SMC5: variants seen among roughly 807,000 people sequenced by gnomAD.
SMC5 encodes the protein structural maintenance of chromosomes 5, also known as structural maintenance of chromosomes protein 5.
SMC5 carries 88 observed loss-of-function variants against 148.3 expected under a neutral mutation model. That is an observed-to-expected ratio of 0.59 (90% CI 0.50 to 0.71). The LOEUF is 0.71. SMC5 is among the 30% of genes least tolerant of loss of function. SMC5 has a pLI of 0.00. For synonymous variants in SMC5, 421 were observed against 432.8 expected, an observed-to-expected ratio of 0.97 and a Z score of 0.34; for missense variants, 1,142 against 1,298.9, an observed-to-expected ratio of 0.88 and a Z score of 1.86.
chr9:70,285,573 C>T (rs1285255401), intron 7 of SMC5, among the ~76,000 whole-genome samples: 1 of 152,192 alleles, frequency 6.6e-6, no homozygotes, highest in Non-Finnish European at 1.5e-5. Context: ...TAGAAACACT[C>T]CCAAAATCCA....
chr9:70,337,788 G>A lies in SMC5; in HGVS notation c.2398-6356G>A, dbSNP rs553080368. Among the ~76,000 whole-genome samples the A allele has an allele frequency of 7.9e-5, 12 of 151,828 alleles. No homozygotes were observed. The East Asian group carries it at 2.3e-3, about 29-fold the overall frequency. ...ACTGTTTTGAGTAGAGCTGACTGCC[G>A]TGTTTCTGGAAAGTAGGAAAGTTTT... On this transcript the variant is annotated intron_variant, in intron 17 of 24. Coordinates refer to ENST00000361138, the MANE Select transcript of SMC5 (RefSeq NM_015110.4).
chr9:70,299,691 A>G (rs1435991344), intron 9 of SMC5, among the ~76,000 whole-genome samples: 2 of 151,902 alleles, frequency 1.3e-5, no homozygotes, highest in Non-Finnish European at 2.9e-5. Context: ...TGTATATACA[A>G]TTCTAGAATG....
chr9:70,300,289 C>G, intron 10 of SMC5, 89 bp downstream of exon 10: 1 of 1,217,582 alleles, frequency 8.2e-7, no homozygotes, highest in Non-Finnish European at 1.1e-6. Context: ...CAATATTACC[C>G]TGGTTTTACA....
chr9:70,332,083 A>G (rs1468084705), intron 17 of SMC5, among the ~76,000 whole-genome samples: 1 of 152,174 alleles, frequency 6.6e-6, no homozygotes, highest in Non-Finnish European at 1.5e-5. Context: ...TCTTAACACT[A>G]AACTACCAAA....
chr9:70,329,621 G>C (rs564195339), intron 17 of SMC5, among the ~76,000 whole-genome samples: 45 of 152,148 alleles, frequency 3.0e-4, no homozygotes, highest in African/African-American at 1.0e-3. Flanking sequence ...AACAAGTCTC[G>C]AAGTTCCAAA....
At position 70,353,461 on chromosome 9, in the gene SMC5, T is replaced by G. The variant is rs916508298; in HGVS notation, c.*1130T>G. The G allele has an allele frequency of 5.9e-5, 9 of 152,186 alleles. No homozygotes were observed. Among genetic ancestry groups the G allele is most frequent in the African/African-American group, 2.2e-4 (9 of 41,456 alleles). 9.4% of individuals were successfully genotyped at this position (152,186 alleles called of 1,614,324 possible). On this transcript the variant is annotated 3_prime_UTR_variant, in exon 25 of 25. Transcript: ENST00000361138. Reference sequence around the variant, plus strand: ...TTATCTTCTTTTAAAAAATAAATCTTATAGGAAAATAGACAGTCCAAAGTC... The same window carrying G: ...TTATCTTCTTTTAAAAAATAAATCTGATAGGAAAATAGACAGTCCAAAGTC...
rs2034771103 is a variant in SMC5, at chr9:70,282,299, TAAAC to T, written c.820-122_820-119del. ...GTCCCAGAGGACAAATTTACATTAA[TAAAC>T]CTGTTTTGATATCAAAACAATCTTT... is the stretch of plus-strand genomic sequence containing the variant. On this transcript the variant is annotated intron_variant, in intron 6 of 24. Coordinates refer to ENST00000361138, the MANE Select transcript of SMC5 (RefSeq NM_015110.4). 3 of 993,530 alleles carry T rather than the reference TAAAC, an allele frequency of 3.0e-6. No individual in the cohort carries two copies. The East Asian group carries it at 8.8e-5, about 29-fold the overall frequency. 61.5% of individuals were successfully genotyped at this position (993,530 alleles called of 1,614,324 possible).
intron 18 of SMC5, 116 bp downstream of exon 18, chr9:70,344,385 G>A (rs969928992): frequency 6.6e-5 from 40 of 604,970 alleles, no homozygotes; most frequent in Non-Finnish European, 9.0e-5. Context: ...AAAATAGGGA[G>A]TTTTTCCACA....
intron 12 of SMC5, 140 bp from the exon 13 acceptor site, chr9:70,315,306 T>TTTAA (rs1554696441): frequency 2.5e-4 from 52 of 211,028 alleles, no homozygotes; most frequent in Non-Finnish European, 4.0e-4. Context: ...GATTTTAAAA[T>TTTAA]ATAAAAGAAA....
chr9:70,352,332 T>C lies in SMC5; in HGVS notation c.*1T>C, dbSNP rs768543488. The C allele has an allele frequency of 3.2e-6, 5 of 1,586,380 alleles. No individual in the cohort carries two copies. In the Admixed American group the frequency reaches 9.4e-5, roughly 30 times the overall value. On this transcript the variant is annotated 3_prime_UTR_variant, in exon 25 of 25. Coordinates refer to ENST00000361138, the MANE Select transcript of SMC5 (RefSeq NM_015110.4). The stretch of plus-strand genomic sequence containing the variant: ...TATTACATTCACTCAACCTTCTTAA[T>C]AAAAGTAAAGAGAGGGAACTTGGGA...
At chr9:70,287,272 A>C (rs1005354690) in intron 8 of SMC5, among the ~76,000 whole-genome samples, 2 of 151,790 alleles carry the variant, frequency 1.3e-5, no homozygotes, top group East Asian at 3.9e-4. Flanking sequence ...TTCTTAGTAG[A>C]TTTTTGTTTC....
In SMC5 at chr9:70,318,702, T is replaced by C. The variant is rs113702383; in HGVS notation, c.1980+15T>C. On this transcript the variant is annotated intron_variant, in intron 14 of 24. Coordinates refer to ENST00000361138, the MANE Select transcript of SMC5 (RefSeq NM_015110.4). The stretch of plus-strand genomic sequence containing the variant: ...AACAGCTAAAGGTTGGTTAATTTGA[T>C]CTGAATGTTAGAAAAGAATATTAAC... The C allele has an allele frequency of 6.3e-7, 1 of 1,575,062 alleles. No homozygotes were observed.
In SMC5 at chr9:70,353,985, C is replaced by G. The variant is rs1229033440; in HGVS notation, c.*1654C>G. The G allele has an allele frequency of 2.6e-5, 4 of 152,118 alleles. No homozygotes were observed. The highest frequency in any genetic ancestry group is 9.7e-5 in the African/African-American group (4 of 41,424). The allele number at this position is 152,118 out of a possible 1,614,324, so 9.4% of individuals were successfully genotyped here. A position where few individuals can be genotyped will look rare whatever the true frequency, so the allele number is the denominator to read the frequency against. Reference sequence around the variant, plus strand: ...AAAATGAGTATCAATGTGAAAAAGACACGTGAAGATTAAGCATGTTTGAAA... The same window carrying G: ...AAAATGAGTATCAATGTGAAAAAGAGACGTGAAGATTAAGCATGTTTGAAA... On this transcript the variant is annotated 3_prime_UTR_variant, in exon 25 of 25. Transcript: ENST00000361138.
At position 70,350,251 on chromosome 9, in the gene SMC5, G is replaced by A. The variant is rs2036773260; in HGVS notation, c.3027G>A (p.Glu1009=). The A allele has an allele frequency of 2.5e-6, 4 of 1,613,448 alleles. No individual in the cohort carries two copies. In the East Asian group the frequency reaches 8.9e-5, roughly 36 times the overall value. The change falls in exon 23 of 25, where the codon GAG becomes GAA. Residue 1009 remains glutamate (E), a synonymous_variant. Coordinates refer to ENST00000361138, the MANE Select transcript of SMC5 (RefSeq NM_015110.4). The stretch of plus-strand genomic sequence containing the variant: ...TGTTATACTTGATGGCACTTCAGGA[G>A]CTAAATAGATGTCCATTCAGAGTAG... ...STMLYLMALQ[E]LNRCPFRVVD...
At chr9:70,284,073 C>CTG (rs926024943) in intron 7 of SMC5, among the ~76,000 whole-genome samples, 3 of 152,152 alleles carry the variant, frequency 2.0e-5, no homozygotes, top group African/African-American at 7.2e-5. Context: ...AGCATTTCTA[C>CTG]TGAGTGAGAA....
rs975139979 is a variant in SMC5 at position 70,352,750 on chromosome 9, T to C, written c.*419T>C. 6.5e-6 allele frequency: 1 copy of C among 153,746 alleles called. No individual in the cohort carries two copies. The highest frequency in any genetic ancestry group is 6.5e-5 in the Admixed American group (1 of 15,416). 9.5% of individuals were successfully genotyped at this position (153,746 alleles called of 1,614,324 possible). ...CCTAAGTCCTAGTTTCTCCCAATGT[T>C]ATATTTAATTTTAAAAAATTGATAT... is the stretch of plus-strand genomic sequence containing the variant. On this transcript the variant is annotated 3_prime_UTR_variant, in exon 25 of 25. Coordinates refer to ENST00000361138, the MANE Select transcript of SMC5 (RefSeq NM_015110.4).
intron 17 of SMC5, among the ~76,000 whole-genome samples, chr9:70,342,352 C>T (rs568845004): frequency 1.6e-4 from 24 of 151,736 alleles, no homozygotes; most frequent in Non-Finnish European, 3.1e-4. Flanking sequence ...AACTAACCTG[C>T]ACATTGTGCA....
rs539828240 is a variant in SMC5, at chr9:70,347,593, GT to G, written c.2665-11del. On this transcript the variant is annotated intron_variant, in intron 20 of 24. Coordinates refer to ENST00000361138, the MANE Select transcript of SMC5 (RefSeq NM_015110.4). ...CCTTTGGTAGATTTATCTTAAAGAA[GT>G]TTTTTTTTCCCCTGCCAGATTGTTC... 94 of 1,312,810 alleles carry G rather than the reference GT, an allele frequency of 7.2e-5. No homozygotes were observed. The highest frequency in any genetic ancestry group is 9.6e-5 in the East Asian group (4 of 41,672). The allele number at this position is 1,312,810 out of a possible 1,614,324, so 81.3% of individuals were successfully genotyped here. A position where few individuals can be genotyped will look rare whatever the true frequency, so the allele number is the denominator to read the frequency against.
At chr9:70,338,990 TA>T (rs533307870) in intron 17 of SMC5, among the ~76,000 whole-genome samples, 1 of 151,150 alleles carries the variant, frequency 6.6e-6, no homozygotes, top group Non-Finnish European at 1.5e-5. Context: ...ACCTTATCTC[TA>T]AAAAAAAATA....
Sources: gnomAD v4.1 joint callset for allele counts (sites outside exome capture counted in the v4.1 genomes callset) on GRCh38, gnomAD v4.1.1 for gene constraint, MANE v1.5 for transcripts, NCBI Gene and HGNC (gene_info 2026-07-23, HGNC 2026-07-21) for gene names.